EFCAB13: variants seen among roughly 807,000 people sequenced by gnomAD.
The protein encoded by EFCAB13 is EF-hand calcium binding domain 13.
EFCAB13 carries 91 observed loss-of-function variants against 110.2 expected under a neutral mutation model. The observed-to-expected ratio is 0.83, with a 90% CI of 0.70 to 0.98. The LOEUF is 0.98. EFCAB13 is among the 50% of genes least tolerant of loss of function. EFCAB13 has a pLI of 0.00. For synonymous variants in EFCAB13, 323 were observed against 369.9 expected, an observed-to-expected ratio of 0.87 and a Z score of 1.45; for missense variants, 968 against 1,119.4, an observed-to-expected ratio of 0.86 and a Z score of 1.93.
At chr17:47,343,075 G>A (rs565745613) in intron 6 of EFCAB13, among the ~76,000 whole-genome samples, 11 of 152,156 alleles carry the variant, frequency 7.2e-5, no homozygotes, top group African/African-American at 2.2e-4. Flanking sequence ...GGATCTAAAT[G>A]TTGTGTTTGT....
intron 11 of EFCAB13, among the ~76,000 whole-genome samples, chr17:47,370,849 C>A (rs2065579472): frequency 1.4e-5 from 2 of 147,748 alleles, no homozygotes; most frequent in African/African-American, 5.0e-5. Flanking sequence ...TCAAGTGATT[C>A]TCCTGCCTCA....
At chr17:47,419,996 G>C (rs912880203) in intron 23 of EFCAB13, among the ~76,000 whole-genome samples, 1 of 151,974 alleles carries the variant, frequency 6.6e-6, no homozygotes, top group African/African-American at 2.4e-5. Context: ...CTCTGATGCC[G>C]AGCGGAAGCT....
chr17:47,389,390 A>G (rs981895826), intron 14 of EFCAB13, among the ~76,000 whole-genome samples: 1 of 152,148 alleles, frequency 6.6e-6, no homozygotes, highest in African/African-American at 2.4e-5. Flanking sequence ...GAGTTCAAGC[A>G]AGAAAGCCCC....
At chr17:47,378,469 A>G (rs1041345542) in intron 13 of EFCAB13, among the ~76,000 whole-genome samples, 7 of 152,198 alleles carry the variant, frequency 4.6e-5, no homozygotes, top group African/African-American at 7.2e-5. Context: ...CAGAAGTTCA[A>G]TTGAGGAGAG....
rs761216634 is a variant in EFCAB13, at chr17:47,377,765, G to C, written c.1373-1G>C. The C allele has an allele frequency of 5.1e-6, 8 of 1,565,454 alleles. No individual in the cohort carries two copies. Among genetic ancestry groups the C allele is most frequent in the African/African-American group, 2.8e-5 (2 of 72,070 alleles). ...TAGTTCTCTACATTTTGTGTATTTA[G>C]AAAACTTCTGTGAAGCTATCAGTAA... On this transcript the variant is annotated splice_acceptor_variant, in intron 12 of 24. Transcript: ENST00000331493. LOFTEE classifies it high-confidence loss of function.
At chr17:47,373,222 T>C (rs917300852) in intron 11 of EFCAB13, among the ~76,000 whole-genome samples, 6 of 152,204 alleles carry the variant, frequency 3.9e-5, no homozygotes, top group African/African-American at 1.4e-4. Context: ...CTATTGTATT[T>C]TGCATTTCTT....
chr17:47,409,246 G>T, intron 20 of EFCAB13: 1 of 168,250 alleles, frequency 5.9e-6, no homozygotes. Context: ...TAAGTAATGG[G>T]TATAATGTTC....
intron 12 of EFCAB13, among the ~76,000 whole-genome samples, chr17:47,376,930 A>G (rs2065618686): frequency 6.6e-6 from 1 of 152,160 alleles, no homozygotes; most frequent in Non-Finnish European, 1.5e-5. Context: ...AATTCAGGTT[A>G]TGCATTTTTG....
intron 6 of EFCAB13, among the ~76,000 whole-genome samples, chr17:47,343,953 A>G (rs2065400278): frequency 6.6e-6 from 1 of 152,134 alleles, no homozygotes; most frequent in Non-Finnish European, 1.5e-5. Flanking sequence ...TAAGAAAACC[A>G]TGGCTTTGCA....
At chr17:47,417,535 C>A (rs1039431223) in intron 23 of EFCAB13, among the ~76,000 whole-genome samples, 4 of 152,308 alleles carry the variant, frequency 2.6e-5, no homozygotes, top group African/African-American at 7.2e-5. Flanking sequence ...TGCATTGCTT[C>A]TTCTATGCCT....
intron 5 of EFCAB13, among the ~76,000 whole-genome samples, chr17:47,340,781 T>G (rs1598722067): frequency 7.0e-6 from 1 of 143,718 alleles, no homozygotes; most frequent in East Asian, 2.0e-4. Context: ...TTTTTTTTTT[T>G]TTTTTTTTTT....
intron 9 of EFCAB13, among the ~76,000 whole-genome samples, chr17:47,356,647 A>C (rs1257702863): frequency 2.6e-5 from 4 of 152,156 alleles, no homozygotes; most frequent in Admixed American, 1.3e-4. Flanking sequence ...AGTGGACTCT[A>C]TTAGGGTCCT....
chr17:47,385,413 C>A (rs1241647491), intron 14 of EFCAB13, among the ~76,000 whole-genome samples: 1 of 151,648 alleles, frequency 6.6e-6, no homozygotes, highest in Non-Finnish European at 1.5e-5. Flanking sequence ...TCTCTGATAT[C>A]CTTTCTTCTG....
At chr17:47,338,243 G>GTTTTTTTTT (rs11334311) in intron 5 of EFCAB13, among the ~76,000 whole-genome samples, 2 of 137,796 alleles carry the variant, frequency 1.5e-5, no homozygotes. Context: ...GTCACTACTA[G>GTTTTTTTTT]TTTTTTTTTT....
chr17:47,361,616 T>G lies in EFCAB13; in HGVS notation c.805+95T>G, dbSNP rs1371781590. On this transcript the variant is annotated intron_variant, in intron 10 of 24. Coordinates refer to ENST00000331493, the MANE Select transcript of EFCAB13 (RefSeq NM_152347.5). ...ATCAATTTTGTGATCTGTCCTTTGC[T>G]TCTCCTTTTTTCTCTTGATTCTTAC... 3 of 1,003,762 alleles carry G rather than the reference T, an allele frequency of 3.0e-6. No homozygotes were observed. In the African/African-American group the frequency reaches 5.0e-5, roughly 17 times the overall value. 62.2% of individuals were successfully genotyped at this position (1,003,762 alleles called of 1,614,324 possible).
chr17:47,426,175 G>T (rs1368299027), intron 23 of EFCAB13, among the ~76,000 whole-genome samples: 1 of 152,148 alleles, frequency 6.6e-6, no homozygotes, highest in Non-Finnish European at 1.5e-5. Flanking sequence ...ACTGAAGATG[G>T]ACTCTATTAC....
In EFCAB13 at chr17:47,438,871, A is replaced by G. The variant is rs148934936; in HGVS notation, c.2639-1560A>G. On this transcript the variant is annotated intron_variant, in intron 24 of 24. Transcript: ENST00000331493. ...TTCCTACCAAGCTTTATGTAATACTATTCACTTTCAGAATCTGTCCTGTAC... is the reference window on the plus strand; with the variant it reads ...TTCCTACCAAGCTTTATGTAATACTGTTCACTTTCAGAATCTGTCCTGTAC... Among the ~76,000 whole-genome samples, 1,026 of 152,184 alleles carry G rather than the reference A, an allele frequency of 6.7e-3. 6 individuals are homozygous for G. The highest frequency in any genetic ancestry group is 0.011 in the Non-Finnish European group (718 of 68,002).
rs115850236 is a variant in EFCAB13 at position 47,346,661 on chromosome 17, C to G, written c.518-1147C>G. ...AAGGGCTGTTGGGAAGCTTCCTAAA[C>G]TCCTTGATATTCTTACCTACAAACA... On this transcript the variant is annotated intron_variant, in intron 8 of 24. Transcript: ENST00000331493. Among the ~76,000 whole-genome samples the G allele has an allele frequency of 6.9e-4, 105 of 152,224 alleles. 1 individual carries two copies. In the South Asian group the frequency reaches 0.021, roughly 30 times the overall value.
intron 12 of EFCAB13, 103 bp downstream of exon 12, chr17:47,375,069 G>T: frequency 1.6e-6 from 2 of 1,232,818 alleles, no homozygotes; most frequent in South Asian, 2.4e-5. Flanking sequence ...TAACACCCTG[G>T]GTAACCACCA....
Sources: gnomAD v4.1 joint callset for allele counts (sites outside exome capture counted in the v4.1 genomes callset) on GRCh38, gnomAD v4.1.1 for gene constraint, MANE v1.5 for transcripts, NCBI Gene and HGNC (gene_info 2026-07-23, HGNC 2026-07-21) for gene names.